The following SYNDIG1 variants were observed in gnomAD, a reference collection of about 807,000 sequenced individuals.
SYNDIG1 encodes the protein synapse differentiation-inducing gene protein 1.
Under a neutral mutation model 19.4 loss-of-function variants are expected in SYNDIG1, and 9 were observed. The ratio of observed to expected loss-of-function variants is 0.46; its 90% CI spans 0.28 to 0.81. The LOEUF (loss-of-function observed/expected upper bound fraction) is 0.81. Among genes scored for constraint, SYNDIG1 ranks in the 30% least tolerant of loss-of-function variants. The pLI, the probability that SYNDIG1 is intolerant of heterozygous loss-of-function variation, is 0.12. For missense variants in SYNDIG1, 311 were observed against 343.3 expected (o/e 0.91, Z 0.74); for synonymous variants, 141 against 145.9 (o/e 0.97, Z 0.24).
intron 1 of SYNDIG1, among the ~76,000 whole-genome samples, chr20:24,482,259 A>G (rs930943353): frequency 2.0e-5 from 3 of 152,178 alleles, no homozygotes; most frequent in African/African-American, 7.2e-5. Flanking sequence ...GCTGGAGTGC[A>G]GTGGTGTGAT....
At chr20:24,590,163 T>C (rs1427739470) in intron 3 of SYNDIG1, among the ~76,000 whole-genome samples, 1 of 151,956 alleles carries the variant, frequency 6.6e-6, no homozygotes, top group Non-Finnish European at 1.5e-5. Context: ...GAGGATGGTG[T>C]CTTCTGATAA....
intron 2 of SYNDIG1, among the ~76,000 whole-genome samples, chr20:24,584,453 C>G (rs917104296): frequency 1.3e-5 from 2 of 152,216 alleles, no homozygotes; most frequent in Non-Finnish European, 2.9e-5. Flanking sequence ...ATGGTGGCAA[C>G]GGGGCCAGTT....
rs2059644698 is a variant in SYNDIG1, at chr20:24,666,070, AG to A, written c.*567del. On this transcript the variant is annotated 3_prime_UTR_variant, in exon 4 of 4. Transcript: ENST00000376862. ...CAGACCCATTGGCCTGACCCTGAGA[AG>A]CAGAGCCAGCAAAGCCCGGGACCTG... is the stretch of plus-strand genomic sequence containing the variant. 1 of 152,892 alleles carries A rather than the reference AG, an allele frequency of 6.5e-6. No individual in the cohort carries two copies. Among genetic ancestry groups the A allele is most frequent in the South Asian group, 2.1e-4 (1 of 4,854 alleles). 9.5% of individuals were successfully genotyped at this position (152,892 alleles called of 1,614,324 possible).
At chr20:24,474,240 A>G (rs1347289242) in intron 1 of SYNDIG1, among the ~76,000 whole-genome samples, 1 of 152,220 alleles carries the variant, frequency 6.6e-6, no homozygotes, top group African/African-American at 2.4e-5. Flanking sequence ...ACCACCCTCC[A>G]TTTATAATAT....
chr20:24,515,272 G>T (rs2056837138), intron 1 of SYNDIG1, among the ~76,000 whole-genome samples: 2 of 152,130 alleles, frequency 1.3e-5, no homozygotes, highest in South Asian at 2.1e-4. Flanking sequence ...AAATAACTAA[G>T]ATCAGAGAAG....
intron 1 of SYNDIG1, among the ~76,000 whole-genome samples, chr20:24,532,238 T>TC (rs1315424232): frequency 1.3e-5 from 2 of 151,782 alleles, no homozygotes; most frequent in Non-Finnish European, 2.9e-5. Flanking sequence ...AACCACCATT[T>TC]CCCCCCACAA....
intron 3 of SYNDIG1, among the ~76,000 whole-genome samples, chr20:24,620,700 C>G (rs987686340): frequency 6.6e-6 from 1 of 152,158 alleles, no homozygotes; most frequent in Non-Finnish European, 1.5e-5. Context: ...ATTGCAGCTG[C>G]TATTTTGGGA....
At chr20:24,585,331 T>G (rs866469345) in intron 3 of SYNDIG1, among the ~76,000 whole-genome samples, 1 of 152,218 alleles carries the variant, frequency 6.6e-6, no homozygotes, top group Non-Finnish European at 1.5e-5. Flanking sequence ...GTTGTGTGTG[T>G]GGGGTGACCC....
At chr20:24,651,192 T>C (rs147289881) in intron 3 of SYNDIG1, among the ~76,000 whole-genome samples, 1 of 152,360 alleles carries the variant, frequency 6.6e-6, no homozygotes, top group East Asian at 1.9e-4. Context: ...GCCAACACTC[T>C]TGAATTTATC....
intron 2 of SYNDIG1, among the ~76,000 whole-genome samples, chr20:24,565,035 C>A (rs529480037): frequency 6.6e-6 from 1 of 152,210 alleles, no homozygotes; most frequent in Non-Finnish European, 1.5e-5. Context: ...CTATTGTTCA[C>A]TGGTGTTCAT....
chr20:24,514,765 C>A (rs1218118989), intron 1 of SYNDIG1, among the ~76,000 whole-genome samples: 1 of 152,158 alleles, frequency 6.6e-6, no homozygotes, highest in Non-Finnish European at 1.5e-5. Flanking sequence ...CAGCTCTGCA[C>A]CAAGTGGACC....
chr20:24,647,290 A>G (rs184700170), intron 3 of SYNDIG1, among the ~76,000 whole-genome samples: 133 of 152,332 alleles, frequency 8.7e-4, no homozygotes, highest in African/African-American at 2.9e-3. Flanking sequence ...GGCAGGGTAC[A>G]TGGCAGCACT....
intron 1 of SYNDIG1, among the ~76,000 whole-genome samples, chr20:24,533,115 G>A (rs1429916602): frequency 6.6e-6 from 1 of 152,108 alleles, no homozygotes; most frequent in Non-Finnish European, 1.5e-5. Flanking sequence ...ATGCCATTGA[G>A]CACTGAGGAG....
chr20:24,542,171 T>A (rs556903334), intron 1 of SYNDIG1, among the ~76,000 whole-genome samples: 2 of 111,732 alleles, frequency 1.8e-5, no homozygotes, highest in South Asian at 6.2e-4. Context: ...ATTGAAAAAA[T>A]TCACTTCAAT....
intron 2 of SYNDIG1, among the ~76,000 whole-genome samples, chr20:24,560,693 A>C (rs1575873): frequency 1.4e-5 from 2 of 139,256 alleles, no homozygotes; most frequent in Non-Finnish European, 3.1e-5. Context: ...TCTGTTGACT[A>C]CTTTTTTTTT....
chr20:24,517,983 T>C (rs1302070383), intron 1 of SYNDIG1, among the ~76,000 whole-genome samples: 1 of 151,208 alleles, frequency 6.6e-6, no homozygotes, highest in African/African-American at 2.4e-5. Flanking sequence ...TTTTTTGTAT[T>C]TTTAGTAGAG....
chr20:24,630,293 G>A (rs1022162352), intron 3 of SYNDIG1, among the ~76,000 whole-genome samples: 2 of 152,108 alleles, frequency 1.3e-5, no homozygotes, highest in East Asian at 3.8e-4. Flanking sequence ...GGGATTGACC[G>A]GGACCTAGAG....
chr20:24,657,971 T>TTGA (rs2059545543), intron 3 of SYNDIG1, among the ~76,000 whole-genome samples: 1 of 152,138 alleles, frequency 6.6e-6, no homozygotes, highest in Non-Finnish European at 1.5e-5. Context: ...TGCGGAAGCC[T>TTGA]GTCCCAGATC....
At chr20:24,478,204 T>C (rs73901838) in intron 1 of SYNDIG1, among the ~76,000 whole-genome samples, 4,236 of 152,350 alleles carry the variant, frequency 0.028, 217 homozygotes, top group African/African-American at 0.096. Flanking sequence ...GATGTTGTCA[T>C]GAAGGAGATT....
Sources: allele counts gnomAD v4.1 joint callset (sites outside exome capture counted in the v4.1 genomes callset), GRCh38; gene constraint gnomAD v4.1.1; transcripts MANE v1.5; gene names NCBI Gene and HGNC (gene_info 2026-07-23, HGNC 2026-07-21).